The following AGPAT3 variants were observed in gnomAD, a reference collection of about 807,000 sequenced individuals.
The protein encoded by AGPAT3 is 1-acylglycerol-3-phosphate O-acyltransferase 3, also known as 1-acyl-sn-glycerol-3-phosphate acyltransferase gamma.
Under a neutral mutation model 47.3 loss-of-function variants are expected in AGPAT3, and 5 were observed. The ratio of observed to expected loss-of-function variants is 0.11; its 90% confidence interval spans 0.06 to 0.22. The LOEUF is 0.22. Among genes scored for constraint, AGPAT3 ranks in the 10% least tolerant of loss-of-function variants. The probability of loss-of-function intolerance (pLI) is 1.00; values close to 1 mark genes in which losing one functional copy is unlikely to be tolerated. For missense variants in AGPAT3, 315 were observed against 493.0 expected, an observed-to-expected ratio of 0.64 and a Z score of 3.42; for synonymous variants, 212 against 208.3, an observed-to-expected ratio of 1.02 and a Z score of -0.15.
At chr21:43,925,821 G>C (rs148852645) in intron 2 of AGPAT3, among the ~76,000 whole-genome samples, 149 of 152,372 alleles carry the variant, frequency 9.8e-4, no homozygotes, top group African/African-American at 3.2e-3. Context: ...GCCACAGCAG[G>C]ACTCCCAAGT....
intron 2 of AGPAT3, among the ~76,000 whole-genome samples, chr21:43,910,827 A>G (rs953683460): frequency 4.6e-5 from 7 of 152,228 alleles, no homozygotes; most frequent in African/African-American, 1.7e-4. Context: ...AGTGTTCAGG[A>G]CAAGGCTGTA....
At chr21:43,972,368 A>G (rs1021301989) in intron 7 of AGPAT3, among the ~76,000 whole-genome samples, 2 of 151,772 alleles carry the variant, frequency 1.3e-5, no homozygotes, top group African/African-American at 2.4e-5. Context: ...CTGGACTCGA[A>G]CTCCTGACCT....
At chr21:43,887,953 C>T (rs1019996070) in intron 1 of AGPAT3, among the ~76,000 whole-genome samples, 1 of 152,228 alleles carries the variant, frequency 6.6e-6, no homozygotes, top group African/African-American at 2.4e-5. Flanking sequence ...ACGCCCGGCC[C>T]ATATACACGT....
At chr21:43,906,211 G>A (rs1469033132) in intron 2 of AGPAT3, among the ~76,000 whole-genome samples, 1 of 152,158 alleles carries the variant, frequency 6.6e-6, no homozygotes, top group Non-Finnish European at 1.5e-5. Flanking sequence ...CAAGCTTCTA[G>A]GGTGAGTAAC....
At position 43,986,934 on chromosome 21, in the gene AGPAT3, G is replaced by T. The variant is rs567086565; in HGVS notation, c.*4542G>T. Among the ~76,000 whole-genome samples, 4 of 152,318 alleles carry T rather than the reference G, an allele frequency of 2.6e-5. No homozygotes were observed. Among genetic ancestry groups the T allele is most frequent in the Admixed American group, 6.5e-5 (1 of 15,296 alleles). On this transcript the variant is annotated 3_prime_UTR_variant, in exon 10 of 10. Transcript: ENST00000291572. ...GTCTTTAGAAGCTTGTCGGGGTGAGGGCTGCTAACTTACACTTCAGAGGCC... is the reference window on the plus strand; with the variant it reads ...GTCTTTAGAAGCTTGTCGGGGTGAGTGCTGCTAACTTACACTTCAGAGGCC...
At chr21:43,971,209 A>G (rs1022736524) in intron 6 of AGPAT3, among the ~76,000 whole-genome samples, 179 bp from the exon 7 acceptor site, 2 of 152,174 alleles carry the variant, frequency 1.3e-5, no homozygotes, top group African/African-American at 4.8e-5. Flanking sequence ...TGGGGAAAAA[A>G]GAGGGGGAAA....
chr21:43,926,211 G>A (rs1440384461), intron 2 of AGPAT3, among the ~76,000 whole-genome samples: 4 of 152,198 alleles, frequency 2.6e-5, no homozygotes, highest in Non-Finnish European at 4.4e-5. Context: ...AGACACAGAC[G>A]CCTGCTTGGG....
intron 2 of AGPAT3, among the ~76,000 whole-genome samples, chr21:43,936,980 C>T (rs1433721227): frequency 6.6e-6 from 1 of 152,212 alleles, no homozygotes; most frequent in East Asian, 1.9e-4. Context: ...GATGCTGGTT[C>T]CCCCAAGTAT....
At chr21:43,961,162 C>G (rs941496317) in intron 3 of AGPAT3, among the ~76,000 whole-genome samples, 2 of 149,542 alleles carry the variant, frequency 1.3e-5, no homozygotes, top group African/African-American at 2.5e-5. Context: ...AAAAAGAAAA[C>G]AAAAATCTCA....
chr21:43,872,855 C>T (rs2123515454), intron 1 of AGPAT3, among the ~76,000 whole-genome samples: 1 of 152,348 alleles, frequency 6.6e-6, no homozygotes, highest in South Asian at 2.1e-4. Flanking sequence ...CACTCTGCCT[C>T]CTTGAAGCAG....
At position 43,985,091 on chromosome 21, in the gene AGPAT3, G is replaced by C. The variant is rs765187808; in HGVS notation, c.*2699G>C. 1 of 456,194 alleles carries C rather than the reference G, an allele frequency of 2.2e-6. No homozygotes were observed. The highest frequency in any genetic ancestry group is 4.4e-6 in the Non-Finnish European group (1 of 226,922). 28.3% of individuals were successfully genotyped at this position (456,194 alleles called of 1,614,324 possible). A position where few individuals can be genotyped will look rare whatever the true frequency, so the allele number is the denominator to read the frequency against. On this transcript the variant is annotated 3_prime_UTR_variant, in exon 10 of 10. Transcript: ENST00000291572. ...GCCCAGGCCCACCCACGGGCGTCTG[G>C]CCGGTCAAGCTCCCAGCCTGGGCCG... is the stretch of plus-strand genomic sequence containing the variant.
In AGPAT3 at chr21:43,939,371, C is replaced by G. The variant is rs1180675776; in HGVS notation, c.-48-20263C>G. Among the ~76,000 whole-genome samples, 5 of 152,214 alleles carry G rather than the reference C, an allele frequency of 3.3e-5. No individual in the cohort carries two copies. The East Asian group carries it at 5.8e-4, about 18-fold the overall frequency. ...CCAGGAGGTTTCCCAGGGCGATGCT[C>G]TGGTCCCTGGGTCCTTTGATCTCAT... On this transcript the variant is annotated intron_variant, in intron 2 of 9. Transcript: ENST00000291572. The surrounding 1 kb of genome is among the most constrained non-coding windows in gnomAD (Gnocchi z 4.4).
Position 43,954,140 on chromosome 21 carries a change from A to G in AGPAT3, c.-48-5494A>G, listed in dbSNP as rs1362458362. The stretch of plus-strand genomic sequence containing the variant: ...GGCCACTGAGTCCAGGCCCCTCCCA[A>G]TGCTTTCCTGCTCTGCCAGCCCAAA... On this transcript the variant is annotated intron_variant, in intron 2 of 9. Transcript: ENST00000291572. The surrounding 1 kb of genome is among the most constrained non-coding windows in gnomAD (Gnocchi z 4.0). Among the ~76,000 whole-genome samples the G allele has an allele frequency of 2.0e-5, 3 of 152,230 alleles. No individual in the cohort carries two copies. Among genetic ancestry groups the G allele is most frequent in the South Asian group, 2.1e-4 (1 of 4,830 alleles).
At chr21:43,928,278 C>T (rs2087123552) in intron 2 of AGPAT3, among the ~76,000 whole-genome samples, 1 of 152,210 alleles carries the variant, frequency 6.6e-6, no homozygotes, top group South Asian at 2.1e-4. Context: ...GCCCTGAGTT[C>T]GACACGGCCA....
rs2087190906 is a variant in AGPAT3, at chr21:43,930,137, A to C, written c.-49+26118A>C. Among the ~76,000 whole-genome samples the C allele has an allele frequency of 6.6e-6, 1 of 152,220 alleles. No homozygotes were observed. Among genetic ancestry groups the C allele is most frequent in the African/African-American group, 2.4e-5 (1 of 41,452 alleles). ...AGTGTCTTTGAAGAAAGTGGGGAAT[A>C]GAGTTATCAACCGTCACTCCACGGA... On this transcript the variant is annotated intron_variant, in intron 2 of 9. Coordinates refer to ENST00000291572, the MANE Select transcript of AGPAT3 (RefSeq NM_020132.5). The surrounding 1 kb of genome is among the most constrained non-coding windows in gnomAD (Gnocchi z 5.0).
At chr21:43,973,444 G>T (rs954122587) in intron 7 of AGPAT3, among the ~76,000 whole-genome samples, 1 of 152,222 alleles carries the variant, frequency 6.6e-6, no homozygotes, top group African/African-American at 2.4e-5. Context: ...TCCTTGGGTG[G>T]TTAGTGGTGG....
chr21:43,931,527 G>T (rs1242418768), intron 2 of AGPAT3, among the ~76,000 whole-genome samples: 1 of 152,200 alleles, frequency 6.6e-6, no homozygotes, highest in African/African-American at 2.4e-5. Flanking sequence ...TGGGCGATAT[G>T]TTCAGATGAG....
chr21:43,979,227 G>A (rs1204181113), intron 8 of AGPAT3, among the ~76,000 whole-genome samples: 5 of 150,282 alleles, frequency 3.3e-5, no homozygotes, highest in African/African-American at 9.9e-5. Context: ...TTGAACCCAG[G>A]AGGTGGGGGT....
intron 8 of AGPAT3, among the ~76,000 whole-genome samples, chr21:43,979,406 C>T (rs1018650364): frequency 6.6e-6 from 1 of 151,862 alleles, no homozygotes; most frequent in African/African-American, 2.4e-5. Flanking sequence ...GGCCTGGGAG[C>T]CAGCAGCACC....
Sources: allele counts gnomAD v4.1 joint callset (sites outside exome capture counted in the v4.1 genomes callset), GRCh38; gene constraint gnomAD v4.1.1; non-coding constraint Gnocchi (gnomAD v3.1); transcripts MANE v1.5; gene names NCBI Gene and HGNC (gene_info 2026-07-23, HGNC 2026-07-21).